Variants in SOX5 observed in about 807,000 individuals in gnomAD.
SOX5 encodes SRY-box transcription factor 5.
SOX5 carries 9 observed loss-of-function variants against 92.0 expected under a neutral mutation model. The observed-to-expected ratio is 0.10, with a 90% CI of 0.06 to 0.17. The LOEUF is 0.17. Ranked by LOEUF, SOX5 falls within the 10% of genes least tolerant of loss-of-function variation. The pLI is 1.00. For missense variants in SOX5, 642 were observed against 944.5 expected, an observed-to-expected ratio of 0.68 and a Z score of 4.20; for synonymous variants, 344 against 336.3, an observed-to-expected ratio of 1.02 and a Z score of -0.25.
chr12:23,853,193 A>G (rs1002292562), intron 2 of SOX5, among the ~76,000 whole-genome samples: 1 of 150,746 alleles, frequency 6.6e-6, no homozygotes, highest in Non-Finnish European at 1.5e-5. Flanking sequence ...TCATTTTGGC[A>G]TTTGTTGAAA....
intron 11 of SOX5, among the ~76,000 whole-genome samples, chr12:23,559,971 C>T (rs1159002242): frequency 1.3e-5 from 2 of 152,056 alleles, no homozygotes; most frequent in Non-Finnish European, 2.9e-5. Flanking sequence ...AGTACAATGG[C>T]GTGATCTCGG....
chr12:24,420,786 A>T (rs1596465582), intron 1 of SOX5, among the ~76,000 whole-genome samples: 2 of 152,270 alleles, frequency 1.3e-5, no homozygotes, highest in Non-Finnish European at 1.5e-5. Context: ...AACTAATATT[A>T]AAAAAAGAGT....
At chr12:24,320,829 C>T (rs557066708) in intron 2 of SOX5, among the ~76,000 whole-genome samples, 2 of 150,802 alleles carry the variant, frequency 1.3e-5, no homozygotes, top group Admixed American at 6.6e-5. Context: ...GGCGCCACTA[C>T]ACTCCAGCCT....
chr12:23,596,373 T>G (rs1197080200), intron 9 of SOX5, among the ~76,000 whole-genome samples: 1 of 152,224 alleles, frequency 6.6e-6, no homozygotes, highest in East Asian at 1.9e-4. Context: ...CATCAGTAAT[T>G]GTTGTCATTT....
chr12:24,435,815 A>G (rs10771090), intron 1 of SOX5, among the ~76,000 whole-genome samples: 85,935 of 152,068 alleles, frequency 0.57, 25,004 homozygotes, highest in East Asian at 0.97. Context: ...TCTGCGTCAA[A>G]CAAATATATT....
chr12:23,722,503 A>G (rs1269670714), intron 6 of SOX5, among the ~76,000 whole-genome samples: 4 of 152,188 alleles, frequency 2.6e-5, no homozygotes, highest in Non-Finnish European at 5.9e-5. Flanking sequence ...CTATAGTTAC[A>G]TATTTTTTAA....
intron 4 of SOX5, among the ~76,000 whole-genome samples, chr12:24,184,325 A>T (rs1470563048): frequency 6.6e-6 from 1 of 152,204 alleles, no homozygotes; most frequent in East Asian, 1.9e-4. Context: ...TAGAGAAACA[A>T]CTATTACACT....
intron 4 of SOX5, among the ~76,000 whole-genome samples, chr12:24,010,407 C>T (rs1454957184): frequency 2.6e-5 from 4 of 152,132 alleles, no homozygotes; most frequent in Non-Finnish European, 4.4e-5. Flanking sequence ...CTAGCAATAA[C>T]ACATTGGATT....
At chr12:24,266,090 T>G (rs1942982340) in intron 3 of SOX5, among the ~76,000 whole-genome samples, 1 of 146,086 alleles carries the variant, frequency 6.8e-6, no homozygotes, top group Non-Finnish European at 1.5e-5. Flanking sequence ...GTGTGTTTTA[T>G]TTTGGTGGAG....
At chr12:24,190,813 AAC>A (rs1308442294) in intron 4 of SOX5, among the ~76,000 whole-genome samples, 3 of 152,218 alleles carry the variant, frequency 2.0e-5, no homozygotes, top group Non-Finnish European at 4.4e-5. Context: ...AAATGTGCTA[AAC>A]ATGTCTTAAA....
chr12:24,488,124 T>C (rs1946703589), intron 1 of SOX5, among the ~76,000 whole-genome samples: 1 of 152,186 alleles, frequency 6.6e-6, no homozygotes, highest in Non-Finnish European at 1.5e-5. Flanking sequence ...ATGCTGACAG[T>C]TGAATGAATC....
intron 4 of SOX5, among the ~76,000 whole-genome samples, chr12:24,171,474 C>T (rs919209740): frequency 6.6e-6 from 1 of 152,072 alleles, no homozygotes; most frequent in Non-Finnish European, 1.5e-5. Context: ...CCACCCGCCT[C>T]GGCTTCCCAA....
intron 1 of SOX5, among the ~76,000 whole-genome samples, chr12:23,905,105 G>A (rs2097278048): frequency 6.6e-6 from 1 of 152,160 alleles, no homozygotes; most frequent in Non-Finnish European, 1.5e-5. Flanking sequence ...CTACTAGTTG[G>A]ACACAGAATA....
intron 4 of SOX5, among the ~76,000 whole-genome samples, chr12:24,074,407 T>C (rs893985399): frequency 1.1e-4 from 17 of 151,902 alleles, no homozygotes; most frequent in Admixed American, 5.9e-4. Flanking sequence ...CACCTGCACC[T>C]GGATAGGTAC....
intron 2 of SOX5, among the ~76,000 whole-genome samples, chr12:23,866,346 T>G (rs1306007645): frequency 1.3e-5 from 2 of 152,002 alleles, no homozygotes; most frequent in Admixed American, 1.3e-4. Flanking sequence ...AACTAAAGAG[T>G]TTTAAAGTAC....
chr12:23,992,108 G>C (rs1396462040), intron 4 of SOX5, among the ~76,000 whole-genome samples: 3 of 152,048 alleles, frequency 2.0e-5, no homozygotes, highest in Non-Finnish European at 2.9e-5. Context: ...TTAAAGAAAA[G>C]AAATGCCTTC....
intron 4 of SOX5, among the ~76,000 whole-genome samples, chr12:24,139,366 C>T (rs1255549877): frequency 1.3e-5 from 2 of 152,080 alleles, no homozygotes; most frequent in African/African-American, 4.8e-5. Context: ...CAGTCGTGGG[C>T]ATACAAGAAG....
At chr12:24,076,536 G>A (rs1386060582) in intron 4 of SOX5, among the ~76,000 whole-genome samples, 1 of 152,048 alleles carries the variant, frequency 6.6e-6, no homozygotes, top group Non-Finnish European at 1.5e-5. Context: ...TGACATTATA[G>A]GTGATTTAAA....
chr12:24,192,261 G>A (rs1956597460), intron 4 of SOX5, among the ~76,000 whole-genome samples: 1 of 152,070 alleles, frequency 6.6e-6, no homozygotes, highest in African/African-American at 2.4e-5. Flanking sequence ...AGCAGGGTAG[G>A]TTTTCAGATT....
Sources: gnomAD v4.1 joint callset for allele counts (sites outside exome capture counted in the v4.1 genomes callset) on GRCh38, gnomAD v4.1.1 for gene constraint, MANE v1.5 for transcripts, NCBI Gene and HGNC (gene_info 2026-07-23, HGNC 2026-07-21) for gene names.